SPTB: variants seen among roughly 807,000 people sequenced by gnomAD.
SPTB encodes spectrin beta, erythrocytic, also known as spectrin beta chain, erythrocytic.
Under a neutral mutation model 256.2 loss-of-function variants are expected in SPTB, and 45 were observed. The observed-to-expected ratio is 0.18, with a 90% CI of 0.14 to 0.23. The LOEUF is 0.23. Ranked by LOEUF, SPTB falls within the 10% of genes least tolerant of loss-of-function variation. SPTB has a pLI of 1.00. For missense variants in SPTB, 2,715 were observed against 3,040.4 expected (o/e 0.89, Z 2.52); for synonymous variants, 1,231 against 1,243.1 (o/e 0.99, Z 0.21).
At position 64,794,564 on chromosome 14, in the gene SPTB, C is replaced by A; in HGVS notation, c.1698G>T (p.Leu566=). The A allele has an allele frequency of 6.2e-7, 1 of 1,614,176 alleles. No individual in the cohort carries two copies. The highest frequency in any genetic ancestry group is 8.5e-7 in the Non-Finnish European group (1 of 1,180,036). ...FGKHLLEVED[L]LQKHKLMEAD... ...CTTCCATCAACTTGTGCTTCTGTAG[C>A]AGGTCTTCAACCTCCAACAAGTGCT... is the stretch of plus-strand genomic sequence containing the variant. The change falls in exon 13 of 36, where the codon CTG becomes CTT. Residue 566 remains leucine, a synonymous_variant. Coordinates refer to ENST00000644917, the MANE Select transcript of SPTB (RefSeq NM_001355436.2).
chr14:64,750,835 AAT>A lies in SPTB; in HGVS notation c.6603-683_6603-682del, dbSNP rs2081935154. Among the ~76,000 whole-genome samples, 3 of 145,606 alleles carry A rather than the reference AAT, an allele frequency of 2.1e-5. No homozygotes were observed. The Admixed American group carries it at 2.1e-4, about 10-fold the overall frequency. ...TATACTTTTATTATATAATTTATAT[AAT>A]ATTTACATATTTATTATATAACATA... On this transcript the variant is annotated intron_variant, in intron 33 of 35. Coordinates refer to ENST00000644917, the MANE Select transcript of SPTB (RefSeq NM_001355436.2).
intron 24 of SPTB, 92 bp downstream of exon 24, chr14:64,774,305 C>T: frequency 1.4e-6 from 2 of 1,471,626 alleles, no homozygotes; most frequent in Non-Finnish European, 1.8e-6. Flanking sequence ...AAACTCTTTC[C>T]ATTTTCCTTT....
At position 64,792,631 on chromosome 14, in the gene SPTB, A is replaced by G. The variant is rs889625087; in HGVS notation, c.2666+366T>C. The stretch of plus-strand genomic sequence containing the variant: ...GGCTTAAGGACTGCCACAGAAAGCT[A>G]GAGCTGGCAGGGTCCTGGCCTCTCA... On this transcript the variant is annotated intron_variant, in intron 14 of 35. Coordinates refer to ENST00000644917, the MANE Select transcript of SPTB (RefSeq NM_001355436.2). This position sits in a 1 kb window ranked among gnomAD's most constrained non-coding sequence, Gnocchi z 4.2. Among the ~76,000 whole-genome samples the G allele has an allele frequency of 2.6e-5, 4 of 152,184 alleles. No homozygotes were observed. The highest frequency in any genetic ancestry group is 2.6e-4 in the Admixed American group (4 of 15,286).
chr14:64,871,793 T>C (rs2139825286), intron 1 of SPTB, among the ~76,000 whole-genome samples: 1 of 152,356 alleles, frequency 6.6e-6, no homozygotes, highest in Admixed American at 6.5e-5. Flanking sequence ...ATAATATGGA[T>C]ATATGTTTTA....
intron 1 of SPTB, among the ~76,000 whole-genome samples, chr14:64,857,918 A>T (rs1379717717): frequency 6.6e-6 from 1 of 152,218 alleles, no homozygotes; most frequent in African/African-American, 2.4e-5. Context: ...AGCTATAATG[A>T]CAACAGTAGC....
chr14:64,819,266 G>C (rs1420944161), intron 2 of SPTB, among the ~76,000 whole-genome samples: 1 of 152,206 alleles, frequency 6.6e-6, no homozygotes, highest in Non-Finnish European at 1.5e-5. Flanking sequence ...TTTAGGTCCA[G>C]GAAGGAAGAC....
At chr14:64,821,677 A>G (rs2083290082) in intron 2 of SPTB, among the ~76,000 whole-genome samples, 1 of 152,212 alleles carries the variant, frequency 6.6e-6, no homozygotes, top group Non-Finnish European at 1.5e-5. Context: ...CCAAGGGAGA[A>G]TTTTGTGGGG....
intron 32 of SPTB, among the ~76,000 whole-genome samples, chr14:64,762,730 G>A (rs142599538): frequency 7.5e-4 from 114 of 152,332 alleles, no homozygotes; most frequent in Admixed American, 1.5e-3. Context: ...AGCTGCCCTT[G>A]GGGAAGAGAG....
intron 1 of SPTB, among the ~76,000 whole-genome samples, chr14:64,830,118 T>C (rs1005316646): frequency 2.6e-5 from 4 of 152,118 alleles, no homozygotes; most frequent in Non-Finnish European, 4.4e-5. Flanking sequence ...CTTAACTCTA[T>C]AGAACTTATC....
intron 10 of SPTB, 94 bp downstream of exon 10, chr14:64,797,635 G>T: frequency 9.8e-7 from 1 of 1,024,934 alleles, no homozygotes; most frequent in Non-Finnish European, 1.6e-6. Flanking sequence ...AAAGAAAGTG[G>T]CTTGGTTTAA....
Position 64,779,059 on chromosome 14 carries a change from T to C in SPTB, c.4563+98A>G. On this transcript the variant is annotated intron_variant, in intron 22 of 35. Coordinates refer to ENST00000644917, the MANE Select transcript of SPTB (RefSeq NM_001355436.2). The surrounding 1 kb of genome is among the most constrained non-coding windows in gnomAD (Gnocchi z 4.2). The stretch of plus-strand genomic sequence containing the variant: ...TACCAACAAGAACAATAATCTGCTG[T>C]TGCTAGCCTTCTGCAGGTCAGGGCT... The C allele has an allele frequency of 1.1e-6, 1 of 884,444 alleles. No homozygotes were observed. Among genetic ancestry groups the C allele is most frequent in the South Asian group, 1.4e-5 (1 of 69,918 alleles). 54.8% of individuals were successfully genotyped at this position (884,444 alleles called of 1,614,324 possible).
chr14:64,805,679 A>T (rs1434356655), intron 2 of SPTB, among the ~76,000 whole-genome samples: 28 of 150,880 alleles, frequency 1.9e-4, no homozygotes, highest in South Asian at 8.4e-4. Context: ...GTGCACCATC[A>T]GTACTCCATA....
intron 1 of SPTB, among the ~76,000 whole-genome samples, chr14:64,836,217 T>C (rs1406285603): frequency 1.3e-5 from 2 of 152,228 alleles, no homozygotes; most frequent in African/African-American, 2.4e-5. Context: ...ATGTCCTGGA[T>C]GACTGTTGGG....
chr14:64,833,550 C>CAA (rs11334742), intron 1 of SPTB, among the ~76,000 whole-genome samples: 4 of 130,100 alleles, frequency 3.1e-5, no homozygotes, highest in Non-Finnish European at 3.4e-5. Flanking sequence ...GAGTCCATCT[C>CAA]AAAAAAAAAA....
At position 64,824,585 on chromosome 14, in the gene SPTB, G is replaced by A. The variant is rs143214482; in HGVS notation, c.-51-1440C>T. On this transcript the variant is annotated intron_variant, in intron 1 of 35. Transcript: ENST00000644917. This position sits in a 1 kb window ranked among gnomAD's most constrained non-coding sequence, Gnocchi z 5.7. ...GCCTTCACAACCAAGAGAGCAAAGCGGGAGGCAGGGAGGCTGTGAGGCAGA... is the reference window on the plus strand; with the variant it reads ...GCCTTCACAACCAAGAGAGCAAAGCAGGAGGCAGGGAGGCTGTGAGGCAGA... 2.8e-4 allele frequency among the ~76,000 whole-genome samples: 43 copies of A among 152,290 alleles called. No individual in the cohort carries two copies. The East Asian group carries it at 8.3e-3, about 29-fold the overall frequency.
At chr14:64,773,068 C>A in intron 25 of SPTB, 114 bp from the exon 26 acceptor site, 1 of 1,558,322 alleles carries the variant, frequency 6.4e-7, no homozygotes, top group East Asian at 2.3e-5. Context: ...GCTGCGCTGT[C>A]ACACCTTCCC....
In SPTB at chr14:64,801,422, G is replaced by A. The variant is rs538904139; in HGVS notation, c.648-22C>T. On this transcript the variant is annotated intron_variant, in intron 6 of 35. Coordinates refer to ENST00000644917, the MANE Select transcript of SPTB (RefSeq NM_001355436.2). The stretch of plus-strand genomic sequence containing the variant: ...GGGCCTGGGGACAAAACTGGACTGT[G>A]AAAAGGGAGTAGCCACAGCATCCCC... The A allele has an allele frequency of 2.0e-5, 32 of 1,571,122 alleles. 1 individual carries two copies. In the South Asian group the frequency reaches 2.9e-4, roughly 14 times the overall value.
chr14:64,828,605 T>A (rs1023214038), intron 1 of SPTB, among the ~76,000 whole-genome samples: 7 of 152,360 alleles, frequency 4.6e-5, no homozygotes, highest in African/African-American at 1.7e-4. Flanking sequence ...TCAAATATTA[T>A]CCTCTATTGG....
Position 64,823,081 on chromosome 14 carries a change from G to A in SPTB, c.14C>T (p.Thr5Ile). 1 of 1,614,170 alleles carries A rather than the reference G, an allele frequency of 6.2e-7. No homozygotes were observed. The highest frequency in any genetic ancestry group is 8.5e-7 in the Non-Finnish European group (1 of 1,180,044). The change falls in exon 2 of 36, where the codon ACA becomes ATA. Residue 5 changes from threonine (T) to isoleucine (I), a missense_variant. Coordinates refer to ENST00000644917, the MANE Select transcript of SPTB (RefSeq NM_001355436.2). This position sits in a 1 kb window ranked among gnomAD's most constrained non-coding sequence, Gnocchi z 6.5. The stretch of plus-strand genomic sequence containing the variant: ...CTGGTTGCCCACATTTTCAAACTCT[G>A]TGGCCGATGTCATGTCAGCAGGCTC... MTSA[T>I]EFENVGNQPP...
Sources: gnomAD v4.1 joint callset for allele counts (sites outside exome capture counted in the v4.1 genomes callset) on GRCh38, gnomAD v4.1.1 for gene constraint, Gnocchi (gnomAD v3.1) non-coding constraint, MANE v1.5 for transcripts, NCBI Gene and HGNC (gene_info 2026-07-23, HGNC 2026-07-21) for gene names.